Variants in TMEM204 observed in about 807,000 individuals in gnomAD.
TMEM204 encodes the protein transmembrane protein 204.
In TMEM204, 15 loss-of-function variants were observed where a neutral mutation model predicts 19.4. That is an observed-to-expected ratio of 0.77 (90% CI 0.52 to 1.19). The LOEUF (loss-of-function observed/expected upper bound fraction) is 1.19, where lower values mean the gene tolerates loss of function less well. Among genes scored for constraint, TMEM204 ranks in the 50% most tolerant of loss-of-function variants. The probability of loss-of-function intolerance (pLI) is 0.00; values close to 1 mark genes in which losing one functional copy is unlikely to be tolerated. For synonymous variants in TMEM204, 161 were observed against 146.0 expected, an observed-to-expected ratio of 1.10 and a Z score of -0.74; for missense variants, 287 against 321.2, an observed-to-expected ratio of 0.89 and a Z score of 0.81.
Position 1,555,191 on chromosome 16 carries a change from T to G in TMEM204, c.*165T>G. 1 of 867,634 alleles carries G rather than the reference T, an allele frequency of 1.2e-6. No individual in the cohort carries two copies. The highest frequency in any genetic ancestry group is 1.8e-5 in the South Asian group (1 of 55,550). 53.7% of individuals were successfully genotyped at this position (867,634 alleles called of 1,614,324 possible). ...CGAGACACGTGTGCGTTTACTGTTATGTCGGTCATATGTCTGTACGTGTCG... is the reference window on the plus strand; with the variant it reads ...CGAGACACGTGTGCGTTTACTGTTAGGTCGGTCATATGTCTGTACGTGTCG... On this transcript the variant is annotated 3_prime_UTR_variant, in exon 3 of 3. Coordinates refer to ENST00000566264, the MANE Select transcript of TMEM204 (RefSeq NM_024600.6).
chr16:1,553,025 A>C lies in TMEM204; in HGVS notation c.437-1757A>C. On this transcript the variant is annotated intron_variant, in intron 2 of 2. Transcript: ENST00000566264. The surrounding 1 kb of genome is among the most constrained non-coding windows in gnomAD (Gnocchi z 4.4). ...TATAAGAAGCTCCATGAAGTATTAT[A>C]AAGAATGAACACAGAAACCAGTCAC... 2 of 985,456 alleles carry C rather than the reference A, an allele frequency of 2.0e-6. No individual in the cohort carries two copies. The highest frequency in any genetic ancestry group is 2.4e-6 in the Non-Finnish European group (2 of 829,926). 61.0% of individuals were successfully genotyped at this position (985,456 alleles called of 1,614,324 possible).
chr16:1,534,186 C>T lies in TMEM204; in HGVS notation c.-90C>T, dbSNP rs1431266250. On this transcript the variant is annotated 5_prime_UTR_variant, in exon 1 of 3. Transcript: ENST00000566264. ...GAGGATGAGTGGTGATGTCCTCTAG[C>T]CACCCCTAGCAGCGTCGGCTCTCCC... 1.3e-6 allele frequency: 2 copies of T among 1,537,924 alleles called. No homozygotes were observed. Among genetic ancestry groups the T allele is most frequent in the African/African-American group, 2.8e-5 (2 of 72,256 alleles).
At position 1,539,961 on chromosome 16, in the gene TMEM204, C is replaced by A. The variant is rs1187364150; in HGVS notation, c.281-1960C>A. 2.6e-5 allele frequency among the ~76,000 whole-genome samples: 4 copies of A among 152,188 alleles called. No homozygotes were observed. The East Asian group carries it at 7.7e-4, about 29-fold the overall frequency. ...GGGGCGCCACCCAGGCCGGAGCGGG[C>A]ACAGTGGAAAAGCCTGGCATCCAGG... On this transcript the variant is annotated intron_variant, in intron 1 of 2. Coordinates refer to ENST00000566264, the MANE Select transcript of TMEM204 (RefSeq NM_024600.6).
upstream of TMEM204, chr16:1,531,728 G>C (rs2030515055): frequency 6.6e-6 from 1 of 152,326 alleles, no homozygotes; most frequent in African/African-American, 2.4e-5. The surrounding 1 kb of genome is among the most constrained non-coding windows in gnomAD (Gnocchi z 4.7). Flanking sequence ...ACAGCTGAGG[G>C]CACAGGGACC....
At chr16:1,536,708 G>A (rs1339846548) in intron 1 of TMEM204, among the ~76,000 whole-genome samples, 1 of 152,168 alleles carries the variant, frequency 6.6e-6, no homozygotes, top group African/African-American at 2.4e-5. Flanking sequence ...GACGCGCCCA[G>A]AGTCTCCCTT....
intron 2 of TMEM204, among the ~76,000 whole-genome samples, chr16:1,548,934 A>G (rs1399269016): frequency 6.6e-6 from 1 of 152,246 alleles, no homozygotes; most frequent in Non-Finnish European, 1.5e-5. Flanking sequence ...AGGTTCCCTC[A>G]TGCCAGGCAT....
chr16:1,534,993 C>T (rs1380471907), intron 1 of TMEM204, among the ~76,000 whole-genome samples: 1 of 151,968 alleles, frequency 6.6e-6, no homozygotes, highest in African/African-American at 2.4e-5. Context: ...CTGCTTGAGG[C>T]CAAGAGTTCA....
At chr16:1,537,365 G>C (rs1177584578) in intron 1 of TMEM204, among the ~76,000 whole-genome samples, 1 of 152,256 alleles carries the variant, frequency 6.6e-6, no homozygotes, top group African/African-American at 2.4e-5. Context: ...GGCACATGGA[G>C]TCAAAATCAT....
Position 1,553,400 on chromosome 16 carries a change from G to A in TMEM204, c.437-1382G>A. ...GGCAGGGCATGATTTGGTTTCCTGGGGAATGCAGGGGAGGCGGTTGGGAGT... is the reference window on the plus strand; with the variant it reads ...GGCAGGGCATGATTTGGTTTCCTGGAGAATGCAGGGGAGGCGGTTGGGAGT... On this transcript the variant is annotated intron_variant, in intron 2 of 2. Coordinates refer to ENST00000566264, the MANE Select transcript of TMEM204 (RefSeq NM_024600.6). The surrounding 1 kb of genome is among the most constrained non-coding windows in gnomAD (Gnocchi z 4.4). 4.1e-6 allele frequency: 4 copies of A among 985,388 alleles called. No homozygotes were observed. Among genetic ancestry groups the A allele is most frequent in the Non-Finnish European group, 4.8e-6 (4 of 829,930 alleles). 61.0% of individuals were successfully genotyped at this position (985,388 alleles called of 1,614,324 possible).
At position 1,551,562 on chromosome 16, in the gene TMEM204, G is replaced by A. The variant is rs1274516581; in HGVS notation, c.437-3220G>A. On this transcript the variant is annotated intron_variant, in intron 2 of 2. Transcript: ENST00000566264. This position sits in a 1 kb window ranked among gnomAD's most constrained non-coding sequence, Gnocchi z 4.0. ...GTTTCATACAGATCAGGGTGCAGCG[G>A]TGGAGGGAGGGCCGCCTGCATCAGT... Among the ~76,000 whole-genome samples the A allele has an allele frequency of 6.6e-6, 1 of 152,192 alleles. No homozygotes were observed. The highest frequency in any genetic ancestry group is 1.5e-5 in the Non-Finnish European group (1 of 68,018).
At chr16:1,545,929 G>A (rs2141335201) in intron 2 of TMEM204, among the ~76,000 whole-genome samples, 1 of 152,336 alleles carries the variant, frequency 6.6e-6, no homozygotes, top group East Asian at 1.9e-4. Flanking sequence ...CCCAGAGAGA[G>A]CAGCTGAAAT....
At chr16:1,532,020 G>A (rs1263689396), upstream of TMEM204, 1 of 152,226 alleles carries the variant, frequency 6.6e-6, no homozygotes, top group African/African-American at 2.4e-5. Flanking sequence ...GGAAACTTTT[G>A]GGAGACTTCC....
upstream of TMEM204, chr16:1,533,250 G>A (rs1443248291): frequency 6.6e-6 from 1 of 152,234 alleles, no homozygotes; most frequent in African/African-American, 2.4e-5. This position sits in a 1 kb window ranked among gnomAD's most constrained non-coding sequence, Gnocchi z 4.7. Flanking sequence ...CCCTTTTGAG[G>A]GCAGCATTCC....
At chr16:1,542,565 G>T in intron 2 of TMEM204, among the ~76,000 whole-genome samples, 1 of 152,358 alleles carries the variant, frequency 6.6e-6, no homozygotes, top group Non-Finnish European at 1.5e-5. Flanking sequence ...CATGTGCTCT[G>T]TTATAAACGC....
chr16:1,529,101 C>A (rs936533570), upstream of TMEM204, among the ~76,000 whole-genome samples: 3 of 152,210 alleles, frequency 2.0e-5, no homozygotes, highest in African/African-American at 7.2e-5. Context: ...TACCCAGGTG[C>A]CCGCTCCCGA....
chr16:1,549,663 C>T (rs571287912), intron 2 of TMEM204, among the ~76,000 whole-genome samples: 78 of 152,264 alleles, frequency 5.1e-4, no homozygotes, highest in Non-Finnish European at 9.6e-4. Flanking sequence ...AACTCCTGAC[C>T]TCAGGTGATC....
chr16:1,551,193 G>C lies in TMEM204; in HGVS notation c.437-3589G>C, dbSNP rs1242208669. Among the ~76,000 whole-genome samples, 1 of 152,260 alleles carries C rather than the reference G, an allele frequency of 6.6e-6. No individual in the cohort carries two copies. Among genetic ancestry groups the C allele is most frequent in the African/African-American group, 2.4e-5 (1 of 41,472 alleles). ...GACTTCTGGGAAGCTGTGGTCAATGGTGGGGCAAGTTCTGGCCCCGGGGAG... is the reference window on the plus strand; with the variant it reads ...GACTTCTGGGAAGCTGTGGTCAATGCTGGGGCAAGTTCTGGCCCCGGGGAG... On this transcript the variant is annotated intron_variant, in intron 2 of 2. Coordinates refer to ENST00000566264, the MANE Select transcript of TMEM204 (RefSeq NM_024600.6). The surrounding 1 kb of genome is among the most constrained non-coding windows in gnomAD (Gnocchi z 4.0).
At chr16:1,539,590 AG>A (rs2031425522) in intron 1 of TMEM204, among the ~76,000 whole-genome samples, 2 of 152,248 alleles carry the variant, frequency 1.3e-5, no homozygotes, top group Non-Finnish European at 2.9e-5. Flanking sequence ...TTCCTTCTTT[AG>A]AGAGAACCTC....
At chr16:1,546,514 C>T (rs939794965) in intron 2 of TMEM204, among the ~76,000 whole-genome samples, 5 of 152,198 alleles carry the variant, frequency 3.3e-5, no homozygotes, top group South Asian at 2.1e-4. Context: ...CAGCAATGCT[C>T]GCAGCTGTTA....
Sources: allele counts gnomAD v4.1 joint callset (sites outside exome capture counted in the v4.1 genomes callset), GRCh38; gene constraint gnomAD v4.1.1; non-coding constraint Gnocchi (gnomAD v3.1); transcripts MANE v1.5; gene names NCBI Gene and HGNC (gene_info 2026-07-23, HGNC 2026-07-21).